Variants in MED7 observed in about 807,000 individuals in gnomAD.
MED7 encodes mediator complex subunit 7, also known as mediator of RNA polymerase II transcription subunit 7.
A neutral mutation model predicts 16.6 loss-of-function variants in MED7; 7 were observed. That is an observed-to-expected ratio of 0.42 (90% CI 0.24 to 0.79). The LOEUF (loss-of-function observed/expected upper bound fraction) is 0.79. Ranked by LOEUF, MED7 falls within the 30% of genes least tolerant of loss-of-function variation. The probability of loss-of-function intolerance (pLI) is 0.27; values close to 1 mark genes in which losing one functional copy is unlikely to be tolerated. For synonymous variants in MED7, 88 were observed against 90.5 expected (o/e 0.97, Z 0.16); for missense variants, 240 against 286.3 (o/e 0.84, Z 1.17).
Position 157,139,124 on chromosome 5 carries a change from A to T in MED7, c.308T>A (p.Ile103Lys). 6.2e-7 allele frequency: 1 copy of T among 1,614,026 alleles called. No homozygotes were observed. Among genetic ancestry groups the T allele is most frequent in the South Asian group, 1.1e-5 (1 of 91,070 alleles). ...ATCTTCTAGTTTCTCTTCTCGTTTT[A>T]TACTCCCAGGGCTCCTTATTAAAAT... ...LDILIRSPGS[I>K]KREEKLEDLK... Residue 103 changes from isoleucine to lysine, a missense_variant, in exon 2 of 2, where the codon ATA becomes AAA. Ile to Lys is a moderately radical substitution (Grantham distance 102). Transcript: ENST00000286317.
chr5:157,142,265 C>T (rs998157055), intron 1 of MED7: 1 of 152,234 alleles, frequency 6.6e-6, no homozygotes, highest in African/African-American at 2.4e-5. Flanking sequence ...AGACGACAGA[C>T]ATTCCAGGGT....
chr5:157,138,796 T>C lies in MED7; in HGVS notation c.636A>G (p.Arg212=). 6.2e-7 allele frequency: 1 copy of C among 1,614,062 alleles called. No individual in the cohort carries two copies. The highest frequency in any genetic ancestry group is 8.5e-7 in the Non-Finnish European group (1 of 1,180,016). ...CAGCATCTTTCTCTATAATCTGATCTCTCCTATGACCTGAATTTTCTCTTT... is the reference window on the plus strand; with the variant it reads ...CAGCATCTTTCTCTATAATCTGATCCCTCCTATGACCTGAATTTTCTCTTT... ...EHQRENSGHR[R]DQIIEKDAAL... is the part of the protein sequence containing the mutation. The change falls in exon 2 of 2, where the codon AGA becomes AGG. Residue 212 remains arginine, a synonymous_variant. Coordinates refer to ENST00000286317, the MANE Select transcript of MED7 (RefSeq NM_004270.5).
rs1431038640 is a variant in MED7, at chr5:157,138,778, T to C, written c.654A>G (p.Lys218=). ...SGHRRDQIIE[K]DAALCVLIDE... ...CAATTAGGACACACAAGGCAGCATCTTTCTCTATAATCTGATCTCTCCTAT... is the reference window on the plus strand; with the variant it reads ...CAATTAGGACACACAAGGCAGCATCCTTCTCTATAATCTGATCTCTCCTAT... The change falls in exon 2 of 2, where the codon AAA becomes AAG. Residue 218 remains lysine (K), a synonymous_variant. Coordinates refer to ENST00000286317, the MANE Select transcript of MED7 (RefSeq NM_004270.5). 7 of 1,613,100 alleles carry C rather than the reference T, an allele frequency of 4.3e-6. No individual in the cohort carries two copies. The South Asian group carries it at 7.7e-5, about 18-fold the overall frequency.
In MED7 at chr5:157,139,021, G is replaced by A. The variant is rs1757684122; in HGVS notation, c.411C>T (p.Val137=). Residue 137 remains valine, a synonymous_variant, in exon 2 of 2, where the codon GTC becomes GTT. Transcript: ENST00000286317. ...GTTGACGTTTCTGGACCTCCATCAT[G>A]ACTCTCAAGGTCTCTCTTGCTTGGT... ...RPHQARETLR[V]MMEVQKRQRL... 3 of 1,614,146 alleles carry A rather than the reference G, an allele frequency of 1.9e-6. No homozygotes were observed. Among genetic ancestry groups the A allele is most frequent in the Non-Finnish European group, 2.5e-6 (3 of 1,180,038 alleles).
At chr5:157,140,715 T>C (rs546933235) in intron 1 of MED7, among the ~76,000 whole-genome samples, 1 of 152,194 alleles carries the variant, frequency 6.6e-6, no homozygotes, top group East Asian at 1.9e-4. Flanking sequence ...CTAATTTTTG[T>C]ATATTTTGTA....
chr5:157,139,307 TAAC>T lies in MED7; in HGVS notation c.122_124del (p.Ser41_Tyr42delinsAsn). Reference sequence around the variant, plus strand: ...TTGGAACTGATTGCCAAACATCATGTAACTGTCTTTTATTGGAGGGGGAGGCTT... The same window carrying T: ...TTGGAACTGATTGCCAAACATCATGTTGTCTTTTATTGGAGGGGGAGGCTT... On this transcript the variant is annotated inframe_deletion, in exon 2 of 2. Coordinates refer to ENST00000286317, the MANE Select transcript of MED7 (RefSeq NM_004270.5). 6.2e-7 allele frequency: 1 copy of T among 1,614,164 alleles called. No individual in the cohort carries two copies. The highest frequency in any genetic ancestry group is 8.5e-7 in the Non-Finnish European group (1 of 1,180,014).
intron 1 of MED7, among the ~76,000 whole-genome samples, chr5:157,141,242 G>T (rs908390646): frequency 6.6e-6 from 1 of 152,026 alleles, no homozygotes; most frequent in African/African-American, 2.4e-5. Flanking sequence ...CACGACGCCC[G>T]GCTAATGTTT....
chr5:157,139,136 C>T lies in MED7; in HGVS notation c.296G>A (p.Ser99Asn). Residue 99 changes from serine to asparagine, a missense_variant, in exon 2 of 2, where the codon AGC becomes AAC. Physicochemically the swap from Ser to Asn is conservative, Grantham distance 46. Coordinates refer to ENST00000286317, the MANE Select transcript of MED7 (RefSeq NM_004270.5). ...FLDLLDILIR[S>N]PGSIKREEKL... is the part of the protein sequence containing the mutation. ...CTCTTCTCGTTTTATACTCCCAGGG[C>T]TCCTTATTAAAATATCTAAAAGGTC... 1 of 1,613,646 alleles carries T rather than the reference C, an allele frequency of 6.2e-7. No individual in the cohort carries two copies. Among genetic ancestry groups the T allele is most frequent in the Non-Finnish European group, 8.5e-7 (1 of 1,179,826 alleles).
At chr5:157,142,085 C>T (rs963612232) in intron 1 of MED7, among the ~76,000 whole-genome samples, 4 of 152,182 alleles carry the variant, frequency 2.6e-5, no homozygotes, top group African/African-American at 9.7e-5. Flanking sequence ...TAAGGACTGG[C>T]ATATCACAAA....
At position 157,139,318 on chromosome 5, in the gene MED7, T is replaced by C; in HGVS notation, c.114A>G (p.Ile38Met). ...TGCCAAACATCATGTAACTGTCTTT[T>C]ATTGGAGGGGGAGGCTTGGGAGCTA... ...EGLAPKPPPP[I>M]KDSYMMFGNQ... The change falls in exon 2 of 2, where the codon ATA (isoleucine) becomes ATG (methionine). Residue 38 changes from isoleucine to methionine, a missense_variant. By Grantham distance (10) the Ile-to-Met change is conservative. Coordinates refer to ENST00000286317, the MANE Select transcript of MED7 (RefSeq NM_004270.5). 4.3e-6 allele frequency: 7 copies of C among 1,614,144 alleles called. No individual in the cohort carries two copies. The highest frequency in any genetic ancestry group is 5.9e-6 in the Non-Finnish European group (7 of 1,180,010).
In MED7 at chr5:157,139,203, C is replaced by G; in HGVS notation, c.229G>C (p.Glu77Gln). ...LHPMQFDHKK[E>Q]LRKLNMSILI... ...ATAGACATATTAAGTTTTCTCAGTT[C>G]TTTCTTGTGATCAAACTGCATAGGA... is the stretch of plus-strand genomic sequence containing the variant. Residue 77 changes from glutamate to glutamine, a missense_variant, in exon 2 of 2, where the codon GAA (glutamate) becomes CAA (glutamine). Glu to Gln is a conservative substitution (Grantham distance 29, BLOSUM62 2). Transcript: ENST00000286317. 2 of 1,612,158 alleles carry G rather than the reference C, an allele frequency of 1.2e-6. No individual in the cohort carries two copies. Among genetic ancestry groups the G allele is most frequent in the East Asian group, 4.5e-5 (2 of 44,876 alleles).
chr5:157,139,303 C>T lies in MED7; in HGVS notation c.129G>A (p.Met43Ile). ...CACATTGGAACTGATTGCCAAACATCATGTAACTGTCTTTTATTGGAGGGG... is the reference window on the plus strand; with the variant it reads ...CACATTGGAACTGATTGCCAAACATTATGTAACTGTCTTTTATTGGAGGGG... The part of the protein sequence containing the change: ...KPPPPIKDSY[M>I]MFGNQFQCDD... Residue 43 changes from methionine to isoleucine, a missense_variant, in exon 2 of 2, where the codon ATG becomes ATA. Met to Ile is a conservative substitution (Grantham distance 10, BLOSUM62 1). Coordinates refer to ENST00000286317, the MANE Select transcript of MED7 (RefSeq NM_004270.5). The T allele has an allele frequency of 6.2e-7, 1 of 1,614,124 alleles. No individual in the cohort carries two copies. Among genetic ancestry groups the T allele is most frequent in the Non-Finnish European group, 8.5e-7 (1 of 1,180,018 alleles).
chr5:157,142,225 T>C (rs1243903177), intron 1 of MED7, among the ~76,000 whole-genome samples: 1 of 152,200 alleles, frequency 6.6e-6, no homozygotes, highest in Non-Finnish European at 1.5e-5. Flanking sequence ...CTAGTGTTTG[T>C]TCTACTGGGG....
At position 157,139,009 on chromosome 5, in the gene MED7, G is replaced by T. The variant is rs1416694261; in HGVS notation, c.423C>A (p.Val141=). 1.6e-5 allele frequency: 26 copies of T among 1,613,948 alleles called. No homozygotes were observed. Among genetic ancestry groups the T allele is most frequent in the Non-Finnish European group, 2.1e-5 (25 of 1,180,040 alleles). ...ARETLRVMME[V]QKRQRLETAE... is the part of the protein sequence containing the mutation. ...CTGTTTCAAGCCGTTGACGTTTCTGGACCTCCATCATGACTCTCAAGGTCT... is the reference window on the plus strand; with the variant it reads ...CTGTTTCAAGCCGTTGACGTTTCTGTACCTCCATCATGACTCTCAAGGTCT... Residue 141 remains valine (V), a synonymous_variant, in exon 2 of 2, where the codon GTC becomes GTA. Transcript: ENST00000286317.
intron 1 of MED7, among the ~76,000 whole-genome samples, chr5:157,141,362 G>A (rs1483824233): frequency 2.0e-5 from 3 of 152,178 alleles, no homozygotes; most frequent in African/African-American, 4.8e-5. Context: ...TTACAGGCGT[G>A]AGCCACCGTG....
chr5:157,141,241 C>T (rs1169400592), intron 1 of MED7, among the ~76,000 whole-genome samples: 3 of 152,104 alleles, frequency 2.0e-5, no homozygotes, highest in Non-Finnish European at 2.9e-5. Flanking sequence ...CCACGACGCC[C>T]GGCTAATGTT....
chr5:157,139,047 G>A lies in MED7; in HGVS notation c.385C>T (p.His129Tyr), dbSNP rs747497567. The change falls in exon 2 of 2, where the codon CAC (histidine) becomes TAC (tyrosine). Residue 129 changes from histidine to tyrosine, a missense_variant. His to Tyr is a moderately conservative substitution (Grantham distance 83). Coordinates refer to ENST00000286317, the MANE Select transcript of MED7 (RefSeq NM_004270.5). ...ACTCTCAAGGTCTCTCTTGCTTGGT[G>A]GGGTCGGTATTCATTTATAAGATGA... ...VHHLINEYRP[H>Y]QARETLRVMM... 6.2e-7 allele frequency: 1 copy of A among 1,614,074 alleles called. No individual in the cohort carries two copies. Among genetic ancestry groups the A allele is most frequent in the South Asian group, 1.1e-5 (1 of 91,060 alleles).
At position 157,138,693 on chromosome 5, in the gene MED7, C is replaced by T. The variant is rs1008006735; in HGVS notation, c.*37G>A. 3 of 1,470,308 alleles carry T rather than the reference C, an allele frequency of 2.0e-6. No individual in the cohort carries two copies. Among genetic ancestry groups the T allele is most frequent in the Middle Eastern group, 3.8e-4 (2 of 5,270 alleles). 91.1% of individuals were successfully genotyped at this position (1,470,308 alleles called of 1,614,324 possible). A position where few individuals can be genotyped will look rare whatever the true frequency, so the allele number is the denominator to read the frequency against. On this transcript the variant is annotated 3_prime_UTR_variant, in exon 2 of 2. Coordinates refer to ENST00000286317, the MANE Select transcript of MED7 (RefSeq NM_004270.5). ...AAAGAAAATGAACTAATATATGATG[C>T]TATTATCAAAAGGAAAAAAAGAAAA...
chr5:157,141,924 A>T (rs1374515043), intron 1 of MED7, among the ~76,000 whole-genome samples: 1 of 152,138 alleles, frequency 6.6e-6, no homozygotes, highest in Non-Finnish European at 1.5e-5. Flanking sequence ...TTCATTTTAG[A>T]AGTGAGGATC....
Sources: allele counts gnomAD v4.1 joint callset (sites outside exome capture counted in the v4.1 genomes callset), GRCh38; gene constraint gnomAD v4.1.1; transcripts MANE v1.5; gene names NCBI Gene and HGNC (gene_info 2026-07-23, HGNC 2026-07-21).